The following FARS2 variants were observed in gnomAD, a reference collection of about 807,000 sequenced individuals.
The protein encoded by FARS2 is phenylalanyl-tRNA synthetase 2, mitochondrial, also known as phenylalanine--tRNA ligase, mitochondrial.
In FARS2, 40 loss-of-function variants were observed where a neutral mutation model predicts 46.4. The ratio of observed to expected loss-of-function variants is 0.86; its 90% CI spans 0.67 to 1.12. The LOEUF is 1.12. Ranked by LOEUF, FARS2 falls within the 50% of genes most tolerant of loss-of-function variation. The pLI is 0.00. For missense variants in FARS2, 513 were observed against 567.9 expected, an observed-to-expected ratio of 0.90 and a Z score of 0.98; for synonymous variants, 234 against 214.9, an observed-to-expected ratio of 1.09 and a Z score of -0.78.
intron 1 of FARS2, among the ~76,000 whole-genome samples, chr6:5,333,159 A>G (rs1423476447): frequency 6.6e-6 from 1 of 152,196 alleles, no homozygotes. Flanking sequence ...TTAGAAAACT[A>G]AAAGATTTTG....
At chr6:5,361,381 T>G (rs2127626399) in intron 1 of FARS2, among the ~76,000 whole-genome samples, 1 of 152,380 alleles carries the variant, frequency 6.6e-6, no homozygotes, top group East Asian at 1.9e-4. Context: ...TTCTTTGTGT[T>G]TAACTTCTGT....
At chr6:5,508,775 G>T (rs929194814) in intron 4 of FARS2, among the ~76,000 whole-genome samples, 1 of 152,226 alleles carries the variant, frequency 6.6e-6, no homozygotes. Context: ...GCAGCCGTAC[G>T]CAGGGCGGAC....
intron 5 of FARS2, among the ~76,000 whole-genome samples, chr6:5,592,120 CACGCCTGTA>C (rs1486020265): frequency 6.6e-6 from 1 of 152,160 alleles, no homozygotes; most frequent in African/African-American, 2.4e-5. Flanking sequence ...CGCGGTGGCT[CACGCCTGTA>C]ATCCCAGCAC....
At chr6:5,670,412 T>C (rs1282292015) in intron 6 of FARS2, among the ~76,000 whole-genome samples, 3 of 152,246 alleles carry the variant, frequency 2.0e-5, no homozygotes, top group Admixed American at 6.5e-5. Context: ...TGTCCCCTAC[T>C]AAACTTTTAG....
intron 6 of FARS2, among the ~76,000 whole-genome samples, chr6:5,681,852 G>C (rs1779049231): frequency 6.6e-6 from 1 of 152,148 alleles, no homozygotes; most frequent in Admixed American, 6.5e-5. Context: ...GGCTACATTT[G>C]TTTGGTGCTT....
intron 6 of FARS2, among the ~76,000 whole-genome samples, chr6:5,642,736 A>G (rs1029979038): frequency 6.6e-5 from 10 of 152,252 alleles, no homozygotes; most frequent in African/African-American, 1.9e-4. Flanking sequence ...GCTGTAAACA[A>G]CTTCAAAGAA....
At chr6:5,494,916 A>G (rs982178169) in intron 4 of FARS2, among the ~76,000 whole-genome samples, 2 of 152,248 alleles carry the variant, frequency 1.3e-5, no homozygotes, top group African/African-American at 2.4e-5. Context: ...GCTTCCTTAT[A>G]GTTCAGATTC....
chr6:5,438,240 C>G (rs1215045558), intron 4 of FARS2, among the ~76,000 whole-genome samples: 2 of 10,498 alleles, frequency 1.9e-4, no homozygotes, highest in Non-Finnish European at 3.9e-4. Context: ...CTTCTACCCA[C>G]CCCCCGCCCC....
At chr6:5,723,543 A>G (rs1760050058) in intron 6 of FARS2, among the ~76,000 whole-genome samples, 1 of 152,190 alleles carries the variant, frequency 6.6e-6, no homozygotes, top group Admixed American at 6.5e-5. Context: ...AACCGCTGTC[A>G]CAAGCCTCTC....
At chr6:5,540,673 G>A (rs189048120) in intron 4 of FARS2, among the ~76,000 whole-genome samples, 157 of 152,346 alleles carry the variant, frequency 1.0e-3, no homozygotes, top group Non-Finnish European at 1.7e-3. Context: ...ATTGTGTAGG[G>A]ACTGTTTTCT....
chr6:5,634,129 A>C (rs1015465892), intron 6 of FARS2, among the ~76,000 whole-genome samples: 1 of 152,058 alleles, frequency 6.6e-6, no homozygotes, highest in Non-Finnish European at 1.5e-5. Context: ...GTTTATTATT[A>C]AACATTTTTT....
At chr6:5,572,899 A>G (rs906550641) in intron 5 of FARS2, among the ~76,000 whole-genome samples, 4 of 152,184 alleles carry the variant, frequency 2.6e-5, no homozygotes, top group African/African-American at 9.7e-5. Flanking sequence ...ATTTCTGGCC[A>G]TCATCCACAT....
intron 5 of FARS2, among the ~76,000 whole-genome samples, chr6:5,548,631 G>A (rs145120282): frequency 5.1e-4 from 77 of 152,218 alleles, no homozygotes; most frequent in African/African-American, 1.7e-3. Flanking sequence ...CAACACCATG[G>A]TGTGACAAAT....
At chr6:5,424,848 A>G (rs1488138058) in intron 3 of FARS2, among the ~76,000 whole-genome samples, 1 of 152,252 alleles carries the variant, frequency 6.6e-6, no homozygotes, top group South Asian at 2.1e-4. Context: ...GGGCTCTATC[A>G]AAAGGTTGCG....
chr6:5,760,441 A>T (rs1444300201), intron 6 of FARS2, among the ~76,000 whole-genome samples: 3 of 152,086 alleles, frequency 2.0e-5, no homozygotes, highest in African/African-American at 7.2e-5. Context: ...CAGGAATGAG[A>T]CCTCAAGTGA....
At chr6:5,640,315 G>C (rs1484411534) in intron 6 of FARS2, among the ~76,000 whole-genome samples, 4 of 152,188 alleles carry the variant, frequency 2.6e-5, no homozygotes, top group Admixed American at 2.0e-4. Flanking sequence ...ACGGGTTTAA[G>C]GTCTCACGGC....
At chr6:5,503,401 CACACAGAGAG>C (rs768169360) in intron 4 of FARS2, among the ~76,000 whole-genome samples, 30,105 of 105,236 alleles carry the variant, frequency 0.29, 3,816 homozygotes, top group Non-Finnish European at 0.36. Context: ...CACACACACA[CACACAGAGAG>C]AGAGAGAGAG....
chr6:5,525,454 A>C (rs544336037), intron 4 of FARS2, among the ~76,000 whole-genome samples: 1 of 152,178 alleles, frequency 6.6e-6, no homozygotes, highest in Non-Finnish European at 1.5e-5. Flanking sequence ...GTAGTTGCAC[A>C]CAGCTGAGAG....
chr6:5,480,613 G>A (rs1299903142), intron 4 of FARS2, among the ~76,000 whole-genome samples: 3 of 152,190 alleles, frequency 2.0e-5, no homozygotes, highest in African/African-American at 4.8e-5. Context: ...TAAGAATGAC[G>A]GTTTCAAGCA....
Sources: gnomAD v4.1 joint callset for allele counts (sites outside exome capture counted in the v4.1 genomes callset) on GRCh38, gnomAD v4.1.1 for gene constraint, MANE v1.5 for transcripts, NCBI Gene and HGNC (gene_info 2026-07-23, HGNC 2026-07-21) for gene names.